The following FRMPD2 variants were observed in gnomAD, a reference collection of about 807,000 sequenced individuals.
FRMPD2 encodes FERM and PDZ domain containing 2.
A neutral mutation model predicts 140.1 loss-of-function variants in FRMPD2; 96 were observed. That is an observed-to-expected ratio of 0.69 (90% CI 0.58 to 0.81). The LOEUF is 0.81. Among genes scored for constraint, FRMPD2 ranks in the 40% least tolerant of loss-of-function variants. The pLI is 0.00. For missense variants in FRMPD2, 1,240 were observed against 1,447.4 expected (o/e 0.86, Z 2.32); for synonymous variants, 449 against 547.6 (o/e 0.82, Z 2.52).
At position 48,194,526 on chromosome 10, in the gene FRMPD2, T is replaced by A. The variant is rs2131851274; in HGVS notation, c.1955-1632A>T. On this transcript the variant is annotated intron_variant, in intron 15 of 28. Coordinates refer to ENST00000374201, the MANE Select transcript of FRMPD2 (RefSeq NM_001018071.4). ...GAGACAGTGGAGGCAAGGTCGCAGC[T>A]CAGAAAGGTTTAGCGAGTTTGAAGC... Among the ~76,000 whole-genome samples the A allele has an allele frequency of 1.3e-5, 2 of 152,168 alleles. 1 individual carries two copies. The highest frequency in any genetic ancestry group is 4.1e-4 in the South Asian group (2 of 4,824).
intron 12 of FRMPD2, among the ~76,000 whole-genome samples, chr10:48,217,352 A>T (rs1018684173): frequency 2.6e-5 from 4 of 152,304 alleles, no homozygotes; most frequent in South Asian, 4.1e-4. Flanking sequence ...ATCCCACATG[A>T]TGACAAATGC....
intron 15 of FRMPD2, among the ~76,000 whole-genome samples, chr10:48,199,152 G>A (rs1839019956): frequency 6.6e-6 from 1 of 152,008 alleles, no homozygotes; most frequent in Non-Finnish European, 1.5e-5. Context: ...CACTACCAGT[G>A]TGACCGGATC....
At chr10:48,186,676 T>C (rs548048651) in intron 17 of FRMPD2, among the ~76,000 whole-genome samples, 1 of 152,356 alleles carries the variant, frequency 6.6e-6, no homozygotes, top group South Asian at 2.1e-4. Context: ...GTCTTGGGTA[T>C]GTCTTTATCA....
At chr10:48,258,234 G>A (rs989145785) in intron 1 of FRMPD2, among the ~76,000 whole-genome samples, 37 of 152,348 alleles carry the variant, frequency 2.4e-4, no homozygotes, top group African/African-American at 8.7e-4. Context: ...CCTGAAGGAG[G>A]AAAAGACTAT....
intron 20 of FRMPD2, among the ~76,000 whole-genome samples, chr10:48,183,414 A>G (rs1789799537): frequency 6.6e-6 from 1 of 152,106 alleles, no homozygotes; most frequent in South Asian, 2.1e-4. Context: ...AAACAATAGT[A>G]TTTTCCTTTA....
chr10:48,226,526 T>A (rs932058855), intron 10 of FRMPD2, among the ~76,000 whole-genome samples: 25 of 152,268 alleles, frequency 1.6e-4, no homozygotes, highest in Admixed American at 7.8e-4. Flanking sequence ...AAGGCACTTT[T>A]AAGCGCACTT....
Position 48,213,989 on chromosome 10 carries a change from A to C in FRMPD2, c.1456-1880T>G, listed in dbSNP as rs563420065. On this transcript the variant is annotated intron_variant, in intron 12 of 28. Transcript: ENST00000374201. ...CACATAGCACCTGCTCCAAGAATTAAATTTTTCCATAAGCCCAACTACTGA... is the reference window on the plus strand; with the variant it reads ...CACATAGCACCTGCTCCAAGAATTACATTTTTCCATAAGCCCAACTACTGA... Among the ~76,000 whole-genome samples, 7 of 152,290 alleles carry C rather than the reference A, an allele frequency of 4.6e-5. No individual in the cohort carries two copies. In the South Asian group the frequency reaches 1.5e-3, roughly 32 times the overall value.
intron 3 of FRMPD2, among the ~76,000 whole-genome samples, chr10:48,246,998 A>G (rs1840265684): frequency 1.3e-5 from 2 of 152,062 alleles, no homozygotes; most frequent in African/African-American, 4.8e-5. Context: ...GCGCTAAACC[A>G]ATGTTTGGTT....
chr10:48,195,354 A>G (rs1476686508), intron 15 of FRMPD2, among the ~76,000 whole-genome samples: 2 of 152,250 alleles, frequency 1.3e-5, no homozygotes, highest in East Asian at 3.8e-4. Flanking sequence ...AAATATAACT[A>G]TAAAGTAATA....
intron 12 of FRMPD2, 54 bp from the exon 13 acceptor site, chr10:48,212,163 T>G: frequency 6.4e-7 from 1 of 1,562,618 alleles, no homozygotes; most frequent in African/African-American, 1.4e-5. Flanking sequence ...GCCGGGGGAC[T>G]CTGAGAGGAA....
intron 1 of FRMPD2, among the ~76,000 whole-genome samples, chr10:48,272,550 C>T (rs1840788650): frequency 1.3e-5 from 2 of 152,248 alleles, no homozygotes; most frequent in Non-Finnish European, 1.5e-5. Flanking sequence ...GGTGCACAGC[C>T]CTTCCACCTT....
rs1840010015 is a variant in FRMPD2, at chr10:48,238,043, C to A, written c.869G>T (p.Ser290Ile). ...SSGSVHSAAD[S>I]SWPTTPSQRG... is the part of the protein sequence containing the mutation. ...CTGAGAAGGAGTTGTTGGCCATGAG[C>A]TGTCTGCTGCCGAGTGCACAGATCC... Residue 290 changes from serine (S) to isoleucine (I), a missense_variant, in exon 8 of 29, where the codon AGC becomes ATC. Transcript: ENST00000374201. The A allele has an allele frequency of 6.2e-7, 1 of 1,614,158 alleles. No homozygotes were observed. Among genetic ancestry groups the A allele is most frequent in the Non-Finnish European group, 8.5e-7 (1 of 1,180,038 alleles).
At chr10:48,193,800 C>G (rs1289330165) in intron 15 of FRMPD2, among the ~76,000 whole-genome samples, 1 of 152,060 alleles carries the variant, frequency 6.6e-6, no homozygotes, top group Non-Finnish European at 1.5e-5. Flanking sequence ...TGAAGTGCCT[C>G]CATTTCAAGG....
chr10:48,261,481 A>G (rs1292744334), intron 1 of FRMPD2, among the ~76,000 whole-genome samples: 2 of 152,122 alleles, frequency 1.3e-5, no homozygotes, highest in East Asian at 3.8e-4. Context: ...CTGTTCAAGT[A>G]AAAAGATCGT....
chr10:48,234,945 G>A (rs1839934655), intron 9 of FRMPD2, among the ~76,000 whole-genome samples: 2 of 152,188 alleles, frequency 1.3e-5, no homozygotes, highest in African/African-American at 4.8e-5. Flanking sequence ...GGTGGGTAGA[G>A]GAGTCTCCAG....
intron 1 of FRMPD2, among the ~76,000 whole-genome samples, chr10:48,268,054 C>T (rs966260399): frequency 3.3e-5 from 5 of 152,106 alleles, no homozygotes; most frequent in Non-Finnish European, 7.4e-5. Flanking sequence ...GCAAACAATC[C>T]AATTAGAAAA....
At chr10:48,199,418 G>A (rs897893625) in intron 15 of FRMPD2, among the ~76,000 whole-genome samples, 2 of 152,194 alleles carry the variant, frequency 1.3e-5, no homozygotes, top group Non-Finnish European at 2.9e-5. Context: ...AGAATGTGAT[G>A]AGTTACATTT....
intron 12 of FRMPD2, among the ~76,000 whole-genome samples, chr10:48,213,768 A>C (rs1839385084): frequency 6.6e-6 from 1 of 152,244 alleles, no homozygotes; most frequent in African/African-American, 2.4e-5. Context: ...GATATTCTGG[A>C]AAATGCAAAA....
chr10:48,255,451 C>T (rs1179227876), intron 1 of FRMPD2, among the ~76,000 whole-genome samples: 3 of 152,144 alleles, frequency 2.0e-5, no homozygotes, highest in Non-Finnish European at 2.9e-5. Context: ...TGAGCTTCAT[C>T]TGTGAGGCTG....
Sources: allele counts gnomAD v4.1 joint callset (sites outside exome capture counted in the v4.1 genomes callset), GRCh38; gene constraint gnomAD v4.1.1; transcripts MANE v1.5; gene names NCBI Gene and HGNC (gene_info 2026-07-23, HGNC 2026-07-21).